Variants in SUSD1 observed in about 807,000 individuals in gnomAD.
SUSD1 encodes sushi domain-containing protein 1.
In SUSD1, 65 loss-of-function variants were observed where a neutral mutation model predicts 86.9. The observed-to-expected ratio is 0.75, with a 90% CI of 0.61 to 0.92. The LOEUF is 0.92. Ranked by LOEUF, SUSD1 falls within the 40% of genes least tolerant of loss-of-function variation. The pLI is 0.00. For synonymous variants in SUSD1, 346 were observed against 350.0 expected, an observed-to-expected ratio of 0.99 and a Z score of 0.13; for missense variants, 850 against 929.7, an observed-to-expected ratio of 0.91 and a Z score of 1.11.
chr9:112,155,666 T>C (rs972577096), intron 2 of SUSD1, among the ~76,000 whole-genome samples: 3 of 151,700 alleles, frequency 2.0e-5, no homozygotes, highest in African/African-American at 7.3e-5. Flanking sequence ...TCGCCCAGAC[T>C]GGAGTGCAGT....
intron 1 of SUSD1, among the ~76,000 whole-genome samples, chr9:112,168,375 C>T (rs73540416): frequency 0.021 from 3,190 of 152,296 alleles, 108 homozygotes; most frequent in African/African-American, 0.073. Flanking sequence ...CATAATCACT[C>T]CCTGTCTTCG....
intron 10 of SUSD1, among the ~76,000 whole-genome samples, chr9:112,089,377 T>C (rs1830109847): frequency 6.6e-6 from 1 of 152,154 alleles, no homozygotes; most frequent in East Asian, 1.9e-4. Flanking sequence ...CTGCAATCTC[T>C]ATATAAGACA....
intron 12 of SUSD1, among the ~76,000 whole-genome samples, chr9:112,066,743 T>C (rs866957475): frequency 1.4e-4 from 22 of 152,206 alleles, no homozygotes; most frequent in African/African-American, 5.3e-4. Context: ...CATATGGTTC[T>C]TATGGGGCCA....
intron 15 of SUSD1, 46 bp from the exon 16 acceptor site, chr9:112,042,006 C>A (rs1243003597): frequency 1.2e-6 from 2 of 1,603,014 alleles, no homozygotes; most frequent in South Asian, 2.2e-5. Flanking sequence ...ACGGCATCAC[C>A]ACCTCCCAGG....
chr9:112,112,724 G>T, intron 7 of SUSD1, 47 bp downstream of exon 7: 2 of 1,279,554 alleles, frequency 1.6e-6, no homozygotes, highest in South Asian at 1.2e-5. Context: ...ATATTCCCAT[G>T]GGTGACGTGT....
rs144214188 is a variant in SUSD1, at chr9:112,167,267, T to A, written c.103+7866A>T. On this transcript the variant is annotated intron_variant, in intron 1 of 16. Transcript: ENST00000374270. ...ATGCACCACCATGCCCAGATAATTTTTTATTATTATTATTTTATAGACACG... is the reference window on the plus strand; with the variant it reads ...ATGCACCACCATGCCCAGATAATTTATTATTATTATTATTTTATAGACACG... Among the ~76,000 whole-genome samples the A allele has an allele frequency of 1.7e-3, 259 of 152,130 alleles. 1 individual carries two copies. Among genetic ancestry groups the A allele is most frequent in the African/African-American group, 4.5e-3 (187 of 41,504 alleles).
In SUSD1 at chr9:112,054,519, C is replaced by T. The variant is rs148889953; in HGVS notation, c.2110-2081G>A. Among the ~76,000 whole-genome samples, 398 of 151,412 alleles carry T rather than the reference C, an allele frequency of 2.6e-3. 4 individuals are homozygous for T. Among genetic ancestry groups the T allele is most frequent in the African/African-American group, 9.0e-3 (370 of 41,260 alleles). On this transcript the variant is annotated intron_variant, in intron 14 of 16. Transcript: ENST00000374270. ...GGAGGATCACCTGAGCCCAGGAGGTCGAGGCTGCAGTGAGCCATGATTGCA... is the reference window on the plus strand; with the variant it reads ...GGAGGATCACCTGAGCCCAGGAGGTTGAGGCTGCAGTGAGCCATGATTGCA...
At chr9:112,141,078 T>G (rs1474054563) in intron 5 of SUSD1, among the ~76,000 whole-genome samples, 1 of 152,188 alleles carries the variant, frequency 6.6e-6, no homozygotes, top group African/African-American at 2.4e-5. Context: ...AGTGAGTGAA[T>G]AGTGAGTGAA....
At chr9:112,054,962 G>A (rs929443946) in intron 14 of SUSD1, among the ~76,000 whole-genome samples, 1 of 152,172 alleles carries the variant, frequency 6.6e-6, no homozygotes, top group Non-Finnish European at 1.5e-5. Flanking sequence ...TATCCAGAAT[G>A]TATGGAGAAC....
chr9:112,153,151 C>T (rs1281671555), intron 2 of SUSD1, among the ~76,000 whole-genome samples: 2 of 151,824 alleles, frequency 1.3e-5, no homozygotes, highest in Non-Finnish European at 2.9e-5. Context: ...TCTGTAGTCT[C>T]AGCTACTTGG....
At chr9:112,164,972 CA>C (rs1564356737) in intron 1 of SUSD1, among the ~76,000 whole-genome samples, 2 of 152,000 alleles carry the variant, frequency 1.3e-5, no homozygotes, top group Non-Finnish European at 2.9e-5. Context: ...AACAAACAAA[CA>C]AAAAAATACC....
intron 13 of SUSD1, among the ~76,000 whole-genome samples, chr9:112,060,530 T>G (rs1302497738): frequency 3.9e-5 from 6 of 152,214 alleles, no homozygotes; most frequent in African/African-American, 1.4e-4. Context: ...CACGTATCAC[T>G]GCCCTGTGTG....
At chr9:112,120,165 T>C (rs1831493417) in intron 6 of SUSD1, among the ~76,000 whole-genome samples, 2 of 152,066 alleles carry the variant, frequency 1.3e-5, no homozygotes, top group Admixed American at 6.6e-5. Flanking sequence ...AATTTAGCCA[T>C]GCGTGGTGGG....
intron 2 of SUSD1, 83 bp from the exon 3 acceptor site, chr9:112,149,482 A>G: frequency 1.5e-5 from 23 of 1,506,594 alleles, no homozygotes; most frequent in Non-Finnish European, 2.1e-5. Context: ...CATGCTATGG[A>G]CTCGGGAACC....
At chr9:112,057,412 T>C (rs1425912082) in intron 14 of SUSD1, among the ~76,000 whole-genome samples, 1 of 152,220 alleles carries the variant, frequency 6.6e-6, no homozygotes, top group Non-Finnish European at 1.5e-5. Context: ...ACTGCCAGTG[T>C]TTTGTCTATG....
rs1490709603 is a variant in SUSD1 at position 112,078,812 on chromosome 9, T to G, written c.1567-88A>C. On this transcript the variant is annotated intron_variant, in intron 11 of 16. Coordinates refer to ENST00000374270, the MANE Select transcript of SUSD1 (RefSeq NM_022486.5). ...CCTCCCCTTTTCCTTTTTCTTTCTC[T>G]TTTTTTTTTTTTTTTTTTGAGATGG... 290 of 186,802 alleles carry G rather than the reference T, an allele frequency of 1.6e-3. 1 individual carries two copies. Among genetic ancestry groups the G allele is most frequent in the African/African-American group, 8.2e-3 (233 of 28,460 alleles). The allele number at this position is 186,802 out of a possible 1,614,324, so 11.6% of individuals were successfully genotyped here.
intron 5 of SUSD1, among the ~76,000 whole-genome samples, chr9:112,127,271 A>C (rs1028585761): frequency 3.3e-5 from 5 of 152,160 alleles, no homozygotes; most frequent in African/African-American, 1.2e-4. Flanking sequence ...TACTCAGGAG[A>C]CTGGGGCACA....
At chr9:112,103,940 G>A (rs540539693) in intron 8 of SUSD1, among the ~76,000 whole-genome samples, 9 of 152,292 alleles carry the variant, frequency 5.9e-5, no homozygotes, top group Non-Finnish European at 1.0e-4. Context: ...ATTTAGCCCA[G>A]TGGTTCCCAA....
chr9:112,095,073 C>T (rs1830341057), intron 10 of SUSD1, among the ~76,000 whole-genome samples: 1 of 152,140 alleles, frequency 6.6e-6, no homozygotes, highest in Non-Finnish European at 1.5e-5. Flanking sequence ...GAAAGAAATG[C>T]CTCCTAGTGA....
Sources: gnomAD v4.1 joint callset for allele counts (sites outside exome capture counted in the v4.1 genomes callset) on GRCh38, gnomAD v4.1.1 for gene constraint, MANE v1.5 for transcripts, NCBI Gene and HGNC (gene_info 2026-07-23, HGNC 2026-07-21) for gene names.